Variants in PLCL2 observed in about 807,000 individuals in gnomAD.
The protein encoded by PLCL2 is phospholipase C like 2, also known as inactive phospholipase C-like protein 2.
A neutral mutation model predicts 79.6 loss-of-function variants in PLCL2; 4 were observed. That is an observed-to-expected ratio of 0.05 (90% CI 0.02 to 0.11). PLCL2 has a LOEUF of 0.11. Ranked by LOEUF, PLCL2 falls within the 10% of genes least tolerant of loss-of-function variation. The probability of loss-of-function intolerance (pLI) is 1.00; values close to 1 mark genes in which losing one functional copy is unlikely to be tolerated. For synonymous variants in PLCL2, 484 were observed against 457.7 expected (o/e 1.06, Z -0.73); for missense variants, 895 against 1,291.0 (o/e 0.69, Z 4.70).
At chr3:16,905,676 A>AT (rs945892753) in intron 1 of PLCL2, among the ~76,000 whole-genome samples, 4 of 152,240 alleles carry the variant, frequency 2.6e-5, no homozygotes, top group African/African-American at 9.6e-5. Flanking sequence ...AGAGGTTTTC[A>AT]TCAAATTTTC....
At chr3:16,976,470 C>T (rs2063926997) in intron 1 of PLCL2, among the ~76,000 whole-genome samples, 1 of 152,204 alleles carries the variant, frequency 6.6e-6, no homozygotes, top group Non-Finnish European at 1.5e-5. Context: ...AGGCCTTCAA[C>T]TAATTTGATG....
chr3:17,043,657 G>A (rs767172567), intron 4 of PLCL2, among the ~76,000 whole-genome samples: 3 of 151,090 alleles, frequency 2.0e-5, no homozygotes, highest in Non-Finnish European at 4.4e-5. Flanking sequence ...ACTTTCTAAG[G>A]TTTTTTTCGT....
intron 1 of PLCL2, among the ~76,000 whole-genome samples, chr3:16,899,980 T>C (rs897786768): frequency 1.2e-4 from 18 of 152,200 alleles, no homozygotes; most frequent in African/African-American, 4.3e-4. Context: ...ATTTTTATTT[T>C]GGTTCACTGT....
chr3:16,955,005 T>C (rs925747232), intron 1 of PLCL2, among the ~76,000 whole-genome samples: 22 of 152,250 alleles, frequency 1.4e-4, no homozygotes, highest in Non-Finnish European at 3.1e-4. Flanking sequence ...TAGTTTCTTT[T>C]GCTGTGCAGA....
intron 1 of PLCL2, among the ~76,000 whole-genome samples, chr3:16,944,603 CAG>C (rs1219507535): frequency 1.3e-5 from 2 of 152,078 alleles, no homozygotes; most frequent in Non-Finnish European, 2.9e-5. Context: ...TGTGAAGACA[CAG>C]AGAGGAGATG....
At chr3:16,923,111 A>G (rs543676426) in intron 1 of PLCL2, among the ~76,000 whole-genome samples, 1 of 152,364 alleles carries the variant, frequency 6.6e-6, no homozygotes, top group South Asian at 2.1e-4. Flanking sequence ...ACCAGCCATT[A>G]AAATGTGATT....
At chr3:17,058,672 G>A (rs2064915308) in intron 4 of PLCL2, among the ~76,000 whole-genome samples, 1 of 152,118 alleles carries the variant, frequency 6.6e-6, no homozygotes, top group African/African-American at 2.4e-5. Flanking sequence ...CTTTCAAGCT[G>A]GGAGACTGAG....
chr3:17,035,641 C>G (rs547291789), intron 3 of PLCL2: 8 of 347,784 alleles, frequency 2.3e-5, no homozygotes, highest in African/African-American at 1.8e-4. Context: ...TGAAATTTTA[C>G]TTTGTTCATA....
chr3:17,004,383 C>A (rs996350826), intron 1 of PLCL2, among the ~76,000 whole-genome samples: 1 of 152,104 alleles, frequency 6.6e-6, no homozygotes, highest in Non-Finnish European at 1.5e-5. Flanking sequence ...ATACAGAATA[C>A]TGTAGAGGAC....
chr3:17,028,638 G>A (rs980162067), intron 3 of PLCL2, among the ~76,000 whole-genome samples: 5 of 151,838 alleles, frequency 3.3e-5, no homozygotes, highest in East Asian at 3.9e-4. Context: ...CAGCATGCCC[G>A]GCTCATTTTG....
chr3:17,073,880 T>G (rs181341486), intron 5 of PLCL2, among the ~76,000 whole-genome samples: 2 of 152,352 alleles, frequency 1.3e-5, no homozygotes, highest in East Asian at 1.9e-4. Context: ...CTAGTTATTT[T>G]CATTCCATCT....
chr3:17,005,054 C>G (rs182944410), intron 1 of PLCL2, among the ~76,000 whole-genome samples: 52 of 152,136 alleles, frequency 3.4e-4, no homozygotes, highest in South Asian at 1.2e-3. Context: ...ACTGTTTTGC[C>G]AGGGTATTGA....
At chr3:16,987,283 C>A (rs927997084) in intron 1 of PLCL2, among the ~76,000 whole-genome samples, 6 of 152,166 alleles carry the variant, frequency 3.9e-5, no homozygotes, top group Non-Finnish European at 7.4e-5. Flanking sequence ...AGAAACGCTT[C>A]CTAGCAGGAG....
intron 3 of PLCL2, among the ~76,000 whole-genome samples, chr3:17,041,411 T>G (rs183264118): frequency 5.4e-4 from 83 of 152,308 alleles, no homozygotes; most frequent in Non-Finnish European, 9.4e-4. Context: ...AATAAATGCC[T>G]GCCTTGGCCT....
intron 1 of PLCL2, among the ~76,000 whole-genome samples, chr3:16,915,766 G>A (rs1696979237): frequency 6.6e-6 from 1 of 152,156 alleles, no homozygotes; most frequent in Admixed American, 6.5e-5. Flanking sequence ...GGTCAGGCCA[G>A]GTTTCACATA....
intron 4 of PLCL2, among the ~76,000 whole-genome samples, chr3:17,064,387 A>C (rs1474585708): frequency 6.6e-6 from 1 of 152,156 alleles, no homozygotes; most frequent in Non-Finnish European, 1.5e-5. Flanking sequence ...CCACAGAATA[A>C]TTATTTTACA....
chr3:17,046,339 T>TTCCGCTTTCTAATATCTATGTTTTTG (rs2064780192), intron 4 of PLCL2, among the ~76,000 whole-genome samples: 1 of 152,214 alleles, frequency 6.6e-6, no homozygotes, highest in Non-Finnish European at 1.5e-5. Flanking sequence ...CCAAAGTCTT[T>TTCCGCTTTCTAATATCTATGTTTTTG]TCCGCTTTCT....
At chr3:16,926,964 G>C (rs929272837) in intron 1 of PLCL2, among the ~76,000 whole-genome samples, 1 of 151,770 alleles carries the variant, frequency 6.6e-6, no homozygotes, top group Non-Finnish European at 1.5e-5. Flanking sequence ...AACGGGAAGT[G>C]GGTGGCTGAA....
Position 17,014,800 on chromosome 3 carries a change from G to A in PLCL2, c.2907G>A (p.Gly969=), listed in dbSNP as rs758286579. Residue 969 remains glycine (G), a synonymous_variant, in exon 3 of 6, where the codon GGG becomes GGA. Coordinates refer to ENST00000615277, the MANE Select transcript of PLCL2 (RefSeq NM_001144382.2). ...TGGCGGTGTCTCCCCGCTTTCTGGG[G>A]CCCGATAACACACCCCTAGTGGTCC... The part of the protein sequence containing the change: ...CMLAVSPRFL[G]PDNTPLVVLN... The A allele has an allele frequency of 5.6e-6, 9 of 1,614,070 alleles. No homozygotes were observed. Among genetic ancestry groups the A allele is most frequent in the South Asian group, 3.3e-5 (3 of 91,078 alleles).
Sources: allele counts gnomAD v4.1 joint callset (sites outside exome capture counted in the v4.1 genomes callset), GRCh38; gene constraint gnomAD v4.1.1; transcripts MANE v1.5; gene names NCBI Gene and HGNC (gene_info 2026-07-23, HGNC 2026-07-21).